Variants in LONP2 observed in about 807,000 individuals in gnomAD.
LONP2 encodes lon protease homolog 2, peroxisomal.
A neutral mutation model predicts 85.6 loss-of-function variants in LONP2; 60 were observed. That is an observed-to-expected ratio of 0.70 (90% CI 0.57 to 0.87). The LOEUF is 0.87. Ranked by LOEUF, LONP2 falls within the 40% of genes least tolerant of loss-of-function variation. The pLI, the probability that LONP2 is intolerant of heterozygous loss-of-function variation, is 0.00. For synonymous variants in LONP2, 395 were observed against 389.7 expected, an observed-to-expected ratio of 1.01 and a Z score of -0.16; for missense variants, 860 against 1,063.5, an observed-to-expected ratio of 0.81 and a Z score of 2.66.
intron 2 of LONP2, among the ~76,000 whole-genome samples, chr16:48,253,034 GATAATGTTTAAAAGTCACAATT>G (rs1380083200): frequency 2.0e-5 from 3 of 152,176 alleles, no homozygotes; most frequent in Admixed American, 6.5e-5. Context: ...ATGAGGATCA[GATAATGTTTAAAAGTCACAATT>G]ATAAATACTA....
At chr16:48,331,608 A>T (rs1959453730) in intron 11 of LONP2, among the ~76,000 whole-genome samples, 1 of 143,334 alleles carries the variant, frequency 7.0e-6, no homozygotes, top group African/African-American at 2.6e-5. Context: ...TGTGTCGCCC[A>T]GGCTGGAGTG....
chr16:48,359,451 G>A (rs1597015323), downstream of LONP2, among the ~76,000 whole-genome samples: 22 of 152,216 alleles, frequency 1.4e-4, no homozygotes, highest in South Asian at 3.7e-3. Context: ...AAGGCCGGGC[G>A]CGGTGGCTCA....
chr16:48,306,517 A>G (rs901489070), intron 11 of LONP2, among the ~76,000 whole-genome samples: 3 of 152,208 alleles, frequency 2.0e-5, no homozygotes, highest in Non-Finnish European at 2.9e-5. Context: ...TGCTTAGTTA[A>G]GATATTACCA....
chr16:48,324,515 A>G (rs1973330123), intron 11 of LONP2, among the ~76,000 whole-genome samples: 1 of 152,244 alleles, frequency 6.6e-6, no homozygotes, highest in Non-Finnish European at 1.5e-5. Flanking sequence ...TTCAAAAATA[A>G]TTGTTACATA....
intron 8 of LONP2, among the ~76,000 whole-genome samples, chr16:48,283,203 A>G (rs756059055): frequency 6.6e-6 from 1 of 152,220 alleles, no homozygotes; most frequent in Non-Finnish European, 1.5e-5. Context: ...CTACAACATA[A>G]AGTGCAAAGG....
Position 48,313,617 on chromosome 16 carries a change from T to C in LONP2, c.1795+10312T>C, listed in dbSNP as rs138979373. ...TCCTGCATTAGTTTGTTGAGGATAA[T>C]GGCTTCTAGTTTCATCCATGTCCCT... On this transcript the variant is annotated intron_variant, in intron 11 of 14. Coordinates refer to ENST00000285737, the MANE Select transcript of LONP2 (RefSeq NM_031490.5). 3.9e-3 allele frequency among the ~76,000 whole-genome samples: 592 copies of C among 152,338 alleles called. 6 individuals are homozygous for C. Among genetic ancestry groups the C allele is most frequent in the African/African-American group, 0.014 (578 of 41,568 alleles).
intron 11 of LONP2, among the ~76,000 whole-genome samples, chr16:48,321,944 C>CTT (rs112813148): frequency 1.9e-4 from 27 of 141,496 alleles, no homozygotes; most frequent in African/African-American, 6.4e-4. Context: ...TAATTTTTTT[C>CTT]TTTTTTTTTT....
chr16:48,318,394 C>T (rs995174899), intron 11 of LONP2, among the ~76,000 whole-genome samples: 1 of 152,046 alleles, frequency 6.6e-6, no homozygotes, highest in African/African-American at 2.4e-5. Context: ...TGGCACACAC[C>T]TGTAGTCCCA....
In LONP2 at chr16:48,281,033, A is replaced by G. The variant is rs1275152263; in HGVS notation, c.1383+3554A>G. ...CCTGAGAGTTTGGAGACCCAAGTAT[A>G]GTTTTATTATCTTTCTACATAGAAA... On this transcript the variant is annotated intron_variant, in intron 8 of 14. Transcript: ENST00000285737. Among the ~76,000 whole-genome samples the G allele has an allele frequency of 3.9e-5, 6 of 152,190 alleles. No homozygotes were observed. In the South Asian group the frequency reaches 1.2e-3, roughly 31 times the overall value.
intron 6 of LONP2, among the ~76,000 whole-genome samples, chr16:48,268,152 T>C (rs1374001914): frequency 6.6e-6 from 1 of 152,216 alleles, no homozygotes; most frequent in Non-Finnish European, 1.5e-5. Flanking sequence ...ACAGGAAGCA[T>C]GCTTTCTGAA....
In LONP2 at chr16:48,304,699, A is replaced by G. The variant is rs1448563872; in HGVS notation, c.1795+1394A>G. Among the ~76,000 whole-genome samples the G allele has an allele frequency of 3.3e-5, 5 of 152,228 alleles. No homozygotes were observed. In the East Asian group the frequency reaches 9.6e-4, roughly 29 times the overall value. ...CATCTGGGCAACGGAGCGAGACTCCATCTCAAAAAAATAAATAAGTAAATA... is the reference window on the plus strand; with the variant it reads ...CATCTGGGCAACGGAGCGAGACTCCGTCTCAAAAAAATAAATAAGTAAATA... On this transcript the variant is annotated intron_variant, in intron 11 of 14. Transcript: ENST00000285737.
chr16:48,273,778 ATAT>A (rs1972151518), intron 7 of LONP2, among the ~76,000 whole-genome samples: 1 of 152,176 alleles, frequency 6.6e-6, no homozygotes, highest in Non-Finnish European at 1.5e-5. Flanking sequence ...AAGAAATAAT[ATAT>A]TATTGTTATG....
rs1326922237 is a variant in LONP2, at chr16:48,347,653, G to A, written c.2085G>A (p.Glu695=). The change falls in exon 13 of 15, where the codon GAG becomes GAA. Residue 695 remains glutamate (E), a synonymous_variant. Coordinates refer to ENST00000285737, the MANE Select transcript of LONP2 (RefSeq NM_031490.5). ...LTGQLGDVMK[E]SAHLAISWLR... Reference sequence around the variant, plus strand: ...GCCAGCTCGGGGACGTGATGAAGGAGTCCGCCCACCTCGCTATCAGCTGGC... The same window carrying A: ...GCCAGCTCGGGGACGTGATGAAGGAATCCGCCCACCTCGCTATCAGCTGGC... 1.2e-6 allele frequency: 2 copies of A among 1,614,236 alleles called. No homozygotes were observed. The highest frequency in any genetic ancestry group is 2.2e-5 in the East Asian group (1 of 44,888).
chr16:48,245,998 G>T (rs1212904471), intron 1 of LONP2, among the ~76,000 whole-genome samples: 1 of 151,992 alleles, frequency 6.6e-6, no homozygotes, highest in African/African-American at 2.4e-5. Flanking sequence ...ACTCTGAATG[G>T]ATTTCCGGAG....
chr16:48,318,450 C>G (rs1160899778), intron 11 of LONP2, among the ~76,000 whole-genome samples: 3 of 149,868 alleles, frequency 2.0e-5, no homozygotes, highest in Non-Finnish European at 4.5e-5. Context: ...ACCTGGGAGG[C>G]GGGGATTGCA....
At chr16:48,290,377 C>A (rs552955955) in intron 8 of LONP2, among the ~76,000 whole-genome samples, 4 of 152,090 alleles carry the variant, frequency 2.6e-5, no homozygotes, top group African/African-American at 9.7e-5. Context: ...CTTCAGCAAC[C>A]GACCACAGCT....
chr16:48,323,870 C>A (rs1973316620), intron 11 of LONP2, among the ~76,000 whole-genome samples: 1 of 152,094 alleles, frequency 6.6e-6, no homozygotes, highest in South Asian at 2.1e-4. Flanking sequence ...TTCTTCTGGG[C>A]ATTTGATCTA....
At chr16:48,246,449 G>T (rs1971391998) in intron 1 of LONP2, among the ~76,000 whole-genome samples, 1 of 152,156 alleles carries the variant, frequency 6.6e-6, no homozygotes. Flanking sequence ...TCTTTCTACT[G>T]TGCATATGTA....
chr16:48,359,916 C>T (rs1960514847), downstream of LONP2, among the ~76,000 whole-genome samples: 2 of 152,192 alleles, frequency 1.3e-5, no homozygotes, highest in Admixed American at 6.5e-5. Flanking sequence ...AAAAACCACA[C>T]AAAATTCTCT....
Sources: gnomAD v4.1 joint callset for allele counts (sites outside exome capture counted in the v4.1 genomes callset) on GRCh38, gnomAD v4.1.1 for gene constraint, MANE v1.5 for transcripts, NCBI Gene and HGNC (gene_info 2026-07-23, HGNC 2026-07-21) for gene names.